FOXM1: variants seen among roughly 807,000 people sequenced by gnomAD.
FOXM1 encodes the protein forkhead box M1.
Under a neutral mutation model 63.6 loss-of-function variants are expected in FOXM1, and 25 were observed. The observed-to-expected ratio is 0.39, with a 90% CI of 0.29 to 0.55. The LOEUF is 0.55. Among genes scored for constraint, FOXM1 ranks in the 20% least tolerant of loss-of-function variants. The pLI, the probability that FOXM1 is intolerant of heterozygous loss-of-function variation, is 0.60. For synonymous variants in FOXM1, 387 were observed against 376.9 expected, an observed-to-expected ratio of 1.03 and a Z score of -0.31; for missense variants, 879 against 958.7, an observed-to-expected ratio of 0.92 and a Z score of 1.10.
At chr12:2,862,376 G>T (rs1384168466) in intron 8 of FOXM1, among the ~76,000 whole-genome samples, 1 of 151,064 alleles carries the variant, frequency 6.6e-6, no homozygotes, top group Non-Finnish European at 1.5e-5. Context: ...GGTGATGTGG[G>T]TGATGGTAGG....
intron 4 of FOXM1, 158 bp downstream of exon 4, chr12:2,868,405 G>A: frequency 1.8e-6 from 1 of 558,698 alleles, no homozygotes; most frequent in Non-Finnish European, 3.1e-6. Flanking sequence ...ATTTTGCCTG[G>A]ATTCAATAAG....
Position 2,858,923 on chromosome 12 carries a change from G to T in FOXM1, c.2007C>A (p.Pro669=), listed in dbSNP as rs150443540. Residue 669 remains proline, a synonymous_variant, in exon 9 of 9, where the codon CCC becomes CCA. Coordinates refer to ENST00000359843, the MANE Select transcript of FOXM1 (RefSeq NM_021953.4). ...LSTTPLQSAP[P]LESPQRLLSS... is the part of the protein sequence containing the mutation. ...TGAGGAGCCTTTGCGGTGATTCAAG[G>T]GGGGGAGCACTTTGCAAGGGAGTGG... 4.3e-5 allele frequency: 69 copies of T among 1,613,812 alleles called. 1 individual carries two copies. The East Asian group carries it at 5.3e-4, about 13-fold the overall frequency.
chr12:2,874,611 G>A lies in FOXM1; in HGVS notation c.-47-86C>T. On this transcript the variant is annotated intron_variant, in intron 1 of 8. Transcript: ENST00000359843. The surrounding 1 kb of genome is among the most constrained non-coding windows in gnomAD (Gnocchi z 4.3). ...TAGAGAAAGGTGCTCCTCTTTATATGACCAGGAACATGAGCCTAAAGGCCC... is the reference window on the plus strand; with the variant it reads ...TAGAGAAAGGTGCTCCTCTTTATATAACCAGGAACATGAGCCTAAAGGCCC... 1.1e-6 allele frequency: 1 copy of A among 912,406 alleles called. No homozygotes were observed. The highest frequency in any genetic ancestry group is 1.7e-6 in the Non-Finnish European group (1 of 600,200). The allele number at this position is 912,406 out of a possible 1,614,324, so 56.5% of individuals were successfully genotyped here. A position where few individuals can be genotyped will look rare whatever the true frequency, so the allele number is the denominator to read the frequency against.
intron 4 of FOXM1, among the ~76,000 whole-genome samples, chr12:2,868,019 G>GAAAAC (rs1313851434): frequency 6.6e-6 from 1 of 151,472 alleles, no homozygotes; most frequent in Non-Finnish European, 1.5e-5. Flanking sequence ...CTACCATGAG[G>GAAAAC]AAAACAAAGC....
intron 4 of FOXM1, 142 bp downstream of exon 4, chr12:2,868,421 G>T: frequency 1.6e-6 from 1 of 618,264 alleles, no homozygotes; most frequent in Non-Finnish European, 2.7e-6. Flanking sequence ...ATAAGATTGA[G>T]TCACAATCTA....
chr12:2,857,984 C>G lies in FOXM1; in HGVS notation c.*654G>C, dbSNP rs1467809182. On this transcript the variant is annotated 3_prime_UTR_variant, in exon 9 of 9. Transcript: ENST00000359843. ...TCAACTCCTGACCCAATACAAAAGA[C>G]TTTTTTAACCAGGATTTCTTCTTGC... The G allele has an allele frequency of 1.3e-5, 2 of 152,778 alleles. No homozygotes were observed. The highest frequency in any genetic ancestry group is 2.9e-5 in the Non-Finnish European group (2 of 68,130). The allele number at this position is 152,778 out of a possible 1,614,324, so 9.5% of individuals were successfully genotyped here. A position where few individuals can be genotyped will look rare whatever the true frequency, so the allele number is the denominator to read the frequency against.
In FOXM1 at chr12:2,859,676, C is replaced by A. The variant is rs747445536; in HGVS notation, c.1267-13G>T. On this transcript the variant is annotated splice_polypyrimidine_tract_variant and intron_variant, in intron 8 of 8. Coordinates refer to ENST00000359843, the MANE Select transcript of FOXM1 (RefSeq NM_021953.4). ...CAGCTAGCAGCACCTGAAAGGGAAA[C>A]AGAGATAAGGTGAACCAACGGTCAC... 6.3e-6 allele frequency: 10 copies of A among 1,593,222 alleles called. No homozygotes were observed. In the East Asian group the frequency reaches 1.8e-4, roughly 28 times the overall value.
Position 2,858,302 on chromosome 12 carries a change from A to G in FOXM1, c.*336T>C. 3.8e-6 allele frequency: 1 copy of G among 265,962 alleles called. No homozygotes were observed. Among genetic ancestry groups the G allele is most frequent in the Non-Finnish European group, 7.1e-6 (1 of 140,364 alleles). 16.5% of individuals were successfully genotyped at this position (265,962 alleles called of 1,614,324 possible). A position where few individuals can be genotyped will look rare whatever the true frequency, so the allele number is the denominator to read the frequency against. On this transcript the variant is annotated 3_prime_UTR_variant, in exon 9 of 9. Transcript: ENST00000359843. ...ATAATTTGGAGAATTTATACTATTT[A>G]CACGGACCACCCTGCAAAGATCAGG... is the stretch of plus-strand genomic sequence containing the variant.
intron 4 of FOXM1, 146 bp from the exon 5 acceptor site, chr12:2,866,667 T>A: frequency 1.4e-6 from 1 of 732,294 alleles, no homozygotes; most frequent in Non-Finnish European, 2.0e-6. Context: ...TCTTGGCAAC[T>A]CTCCTGACAC....
intron 8 of FOXM1, chr12:2,863,679 C>G (rs2098118058): frequency 6.6e-6 from 1 of 150,758 alleles, no homozygotes; most frequent in African/African-American, 2.4e-5. Context: ...ACAAGTGAGA[C>G]CCACAGCGTC....
intron 3 of FOXM1, among the ~76,000 whole-genome samples, 154 bp downstream of exon 3, chr12:2,871,942 A>C (rs563987901): frequency 6.6e-6 from 1 of 152,354 alleles, no homozygotes; most frequent in South Asian, 2.1e-4. Context: ...TCCCAGGCAG[A>C]AAAATAGCTC....
chr12:2,864,699 T>A lies in FOXM1; in HGVS notation c.1074A>T (p.Glu358Asp), dbSNP rs767668214. 6.2e-7 allele frequency: 1 copy of A among 1,613,328 alleles called. No homozygotes were observed. The highest frequency in any genetic ancestry group is 1.7e-5 in the Admixed American group (1 of 59,902). The change falls in exon 7 of 9, where the codon GAA becomes GAT. Residue 358 changes from glutamate (E) to aspartate (D), a missense_variant. By Grantham distance (45) the Glu-to-Asp change is conservative. Around this residue, in one of 4 missense-constraint regions of FOXM1, gnomAD observed 76 missense variants for 94.5 expected, o/e 0.80. Coordinates refer to ENST00000359843, the MANE Select transcript of FOXM1 (RefSeq NM_021953.4). This position sits in a 1 kb window ranked among gnomAD's most constrained non-coding sequence, Gnocchi z 5.1. Reference sequence around the variant, plus strand: ...CATACTAACGTGCGCCCAGGGGGAGTTCGGTTTTGATGGTCATGTTCCGGC... The same window carrying A: ...CATACTAACGTGCGCCCAGGGGGAGATCGGTTTTGATGGTCATGTTCCGGC... ...ELRRNMTIKTELPLGARRKMK... is the reference protein window; with the variant it reads ...ELRRNMTIKTDLPLGARRKMK...
At chr12:2,868,225 A>ATT in intron 4 of FOXM1, 2 of 171,516 alleles carry the variant, frequency 1.2e-5, no homozygotes, top group Non-Finnish European at 2.4e-5. Context: ...CACAGACAGC[A>ATT]TTTTTTTTTT....
At chr12:2,861,214 TA>T in intron 8 of FOXM1, 1 of 618,312 alleles carries the variant, frequency 1.6e-6, no homozygotes. Context: ...AAAACCTATA[TA>T]AAAATGGGCA....
chr12:2,862,771 G>T (rs1023144837), intron 8 of FOXM1, among the ~76,000 whole-genome samples: 2 of 151,512 alleles, frequency 1.3e-5, no homozygotes, highest in Non-Finnish European at 2.9e-5. Context: ...TGAACTCCTG[G>T]CCTCAAGTGA....
chr12:2,863,306 G>GAC, intron 8 of FOXM1, among the ~76,000 whole-genome samples: 1 of 152,278 alleles, frequency 6.6e-6, no homozygotes, highest in East Asian at 1.9e-4. Context: ...CTTTACTACT[G>GAC]CCAGGTACGA....
rs2098146579 is a variant in FOXM1, at chr12:2,877,095, C to CGGGCAG, written c.-224_-223insCTGCCC. On this transcript the variant is annotated 5_prime_UTR_variant, in exon 1 of 9. Transcript: ENST00000359843. ...GGGATCCCGGGAGGGGAGGGGGTCC[C>CGGGCAG]GGGCCGGGGCCGGGGGTGGGGTCTG... 1 of 152,036 alleles carries CGGGCAG rather than the reference C, an allele frequency of 6.6e-6. No homozygotes were observed. Among genetic ancestry groups the CGGGCAG allele is most frequent in the Non-Finnish European group, 1.5e-5 (1 of 67,968 alleles). 9.4% of individuals were successfully genotyped at this position (152,036 alleles called of 1,614,324 possible).
At chr12:2,875,084 C>T (rs2098140050) in intron 1 of FOXM1, among the ~76,000 whole-genome samples, 1 of 151,292 alleles carries the variant, frequency 6.6e-6, no homozygotes, top group Non-Finnish European at 1.5e-5. Flanking sequence ...CCTCTGCCTC[C>T]TGGGTTTAAG....
chr12:2,869,914 T>C (rs2098130037), intron 3 of FOXM1, among the ~76,000 whole-genome samples: 1 of 151,736 alleles, frequency 6.6e-6, no homozygotes, highest in Admixed American at 6.6e-5. Context: ...ATTGGAGATA[T>C]TACTTTCTAA....
Sources: allele counts gnomAD v4.1 joint callset (sites outside exome capture counted in the v4.1 genomes callset), GRCh38; gene constraint gnomAD v4.1.1; regional missense constraint gnomAD v4.1.1; non-coding constraint Gnocchi (gnomAD v3.1); transcripts MANE v1.5; gene names NCBI Gene and HGNC (gene_info 2026-07-23, HGNC 2026-07-21).